The following PELI2 variants were observed in gnomAD, a reference collection of about 807,000 sequenced individuals.
PELI2 encodes E3 ubiquitin-protein ligase pellino homolog 2.
A neutral mutation model predicts 42.3 loss-of-function variants in PELI2; 23 were observed. The observed-to-expected ratio is 0.54, with a 90% CI of 0.39 to 0.77. The LOEUF (loss-of-function observed/expected upper bound fraction) is 0.77, where lower values mean the gene tolerates loss of function less well. Among genes scored for constraint, PELI2 ranks in the 30% least tolerant of loss-of-function variants. The probability of loss-of-function intolerance (pLI) is 0.00; values close to 1 mark genes in which losing one functional copy is unlikely to be tolerated. For missense variants in PELI2, 463 were observed against 553.2 expected, an observed-to-expected ratio of 0.84 and a Z score of 1.64; for synonymous variants, 245 against 212.2, an observed-to-expected ratio of 1.15 and a Z score of -1.34.
At chr14:56,271,035 T>G (rs1032061886) in intron 2 of PELI2, among the ~76,000 whole-genome samples, 2 of 152,230 alleles carry the variant, frequency 1.3e-5, no homozygotes, top group Non-Finnish European at 2.9e-5. Flanking sequence ...TGCTGGATTA[T>G]CAGTGGCTAC....
intron 2 of PELI2, among the ~76,000 whole-genome samples, chr14:56,249,786 G>A (rs145129488): frequency 6.6e-6 from 1 of 152,336 alleles, no homozygotes; most frequent in African/African-American, 2.4e-5. Context: ...GACACCAGGA[G>A]TGTGTCTCTC....
chr14:56,120,815 C>T (rs1361399840), intron 1 of PELI2, among the ~76,000 whole-genome samples: 1 of 152,066 alleles, frequency 6.6e-6, no homozygotes, highest in Non-Finnish European at 1.5e-5. Flanking sequence ...TTGGTTTCTT[C>T]GGCTGGAAGG....
chr14:56,193,388 C>T (rs1158003735), intron 2 of PELI2, among the ~76,000 whole-genome samples: 3 of 152,028 alleles, frequency 2.0e-5, no homozygotes, highest in Admixed American at 2.0e-4. Context: ...TTGCTAAAAC[C>T]CTGATTGTGG....
Position 56,136,507 on chromosome 14 carries a change from T to C in PELI2, c.77+17770T>C, listed in dbSNP as rs1883693116. On this transcript the variant is annotated intron_variant, in intron 1 of 5. Coordinates refer to ENST00000267460, the MANE Select transcript of PELI2 (RefSeq NM_021255.3). ...GGACCAGAAAGCAAAGCTGGAGATGTCATATGTGATATATCATTCTTCAGA... is the reference window on the plus strand; with the variant it reads ...GGACCAGAAAGCAAAGCTGGAGATGCCATATGTGATATATCATTCTTCAGA... Among the ~76,000 whole-genome samples the C allele has an allele frequency of 3.9e-5, 6 of 152,220 alleles. No homozygotes were observed. In the South Asian group the frequency reaches 1.2e-3, roughly 31 times the overall value.
chr14:56,144,922 C>G, intron 1 of PELI2: 1 of 960,148 alleles, frequency 1.0e-6, no homozygotes. Flanking sequence ...ACTGACTTTA[C>G]TCTTTGCCGG....
At chr14:56,235,200 T>G (rs1383194818) in intron 2 of PELI2, among the ~76,000 whole-genome samples, 1 of 152,130 alleles carries the variant, frequency 6.6e-6, no homozygotes, top group Non-Finnish European at 1.5e-5. Context: ...ATAGTTAATA[T>G]TCCTTTACTA....
At chr14:56,294,317 T>C (rs1473593220) in intron 5 of PELI2, among the ~76,000 whole-genome samples, 1 of 152,126 alleles carries the variant, frequency 6.6e-6, no homozygotes, top group African/African-American at 2.4e-5. Flanking sequence ...CAGAGGTTGC[T>C]CTTGCACCTG....
chr14:56,265,420 G>A (rs1888864879), intron 2 of PELI2, among the ~76,000 whole-genome samples: 1 of 152,034 alleles, frequency 6.6e-6, no homozygotes, highest in Admixed American at 6.6e-5. Context: ...ATTTATACAT[G>A]CAGAAATATG....
At chr14:56,154,739 C>T (rs371972922) in intron 1 of PELI2, among the ~76,000 whole-genome samples, 40 of 151,462 alleles carry the variant, frequency 2.6e-4, no homozygotes, top group African/African-American at 9.2e-4. Context: ...ACTTGACTTA[C>T]ATTTCAAATT....
chr14:56,286,371 G>A (rs983732844), intron 3 of PELI2, among the ~76,000 whole-genome samples: 5 of 152,176 alleles, frequency 3.3e-5, no homozygotes, highest in Non-Finnish European at 1.5e-5. Context: ...GTTGAGGGAG[G>A]TGAGAAAAAG....
At chr14:56,228,060 G>A (rs549192417) in intron 2 of PELI2, among the ~76,000 whole-genome samples, 24 of 152,332 alleles carry the variant, frequency 1.6e-4, no homozygotes, top group African/African-American at 5.1e-4. Flanking sequence ...CCTAATATAC[G>A]TAGTACAATG....
intron 2 of PELI2, among the ~76,000 whole-genome samples, chr14:56,233,750 CAAATG>C (rs1687668961): frequency 6.6e-6 from 1 of 152,140 alleles, no homozygotes; most frequent in African/African-American, 2.4e-5. Flanking sequence ...GCAAAATTGA[CAAATG>C]GGATCTAATT....
At position 56,217,724 on chromosome 14, in the gene PELI2, C is replaced by A. The variant is rs144678355; in HGVS notation, c.207+39260C>A. ...AGGCAGTTTATTTCTTATTTTCTAACCTTTGGGATTTTAAAATTTTGACAG... is the reference window on the plus strand; with the variant it reads ...AGGCAGTTTATTTCTTATTTTCTAAACTTTGGGATTTTAAAATTTTGACAG... On this transcript the variant is annotated intron_variant, in intron 2 of 5. Coordinates refer to ENST00000267460, the MANE Select transcript of PELI2 (RefSeq NM_021255.3). Among the ~76,000 whole-genome samples the A allele has an allele frequency of 2.0e-4, 31 of 152,242 alleles. No homozygotes were observed. In the East Asian group the frequency reaches 4.2e-3, roughly 21 times the overall value.
chr14:56,199,457 C>A (rs1202924729), intron 2 of PELI2, among the ~76,000 whole-genome samples: 2 of 152,118 alleles, frequency 1.3e-5, no homozygotes, highest in Non-Finnish European at 2.9e-5. Flanking sequence ...ACGGTAGATT[C>A]CCCAATGCAA....
At chr14:56,154,106 C>T (rs1884464189) in intron 1 of PELI2, among the ~76,000 whole-genome samples, 2 of 152,140 alleles carry the variant, frequency 1.3e-5, no homozygotes, top group Non-Finnish European at 1.5e-5. Context: ...TAATGGCTAG[C>T]AACCACTGTT....
intron 1 of PELI2, among the ~76,000 whole-genome samples, chr14:56,169,778 C>T (rs1014879642): frequency 6.6e-6 from 1 of 152,186 alleles, no homozygotes; most frequent in African/African-American, 2.4e-5. Context: ...TGCTCCGCCT[C>T]CTCCTATATG....
chr14:56,288,658 G>A lies in PELI2; in HGVS notation c.507+24G>A, dbSNP rs754987601. ...GAGTAAGTACTGTCAAGAAGTACAC[G>A]ATTTCTAGAAAAATGCTTGTGATTA... On this transcript the variant is annotated intron_variant, in intron 4 of 5. Transcript: ENST00000267460. The surrounding 1 kb of genome is among the most constrained non-coding windows in gnomAD (Gnocchi z 4.6). The A allele has an allele frequency of 9.0e-6, 14 of 1,554,820 alleles. No individual in the cohort carries two copies. Among genetic ancestry groups the A allele is most frequent in the Non-Finnish European group, 1.2e-5 (14 of 1,134,028 alleles).
intron 2 of PELI2, among the ~76,000 whole-genome samples, chr14:56,259,929 A>G (rs1188092882): frequency 3.3e-5 from 5 of 152,180 alleles, no homozygotes; most frequent in Admixed American, 2.0e-4. Flanking sequence ...GTAATATTGC[A>G]TACTATAAAC....
intron 1 of PELI2, among the ~76,000 whole-genome samples, chr14:56,141,595 G>A (rs1458371068): frequency 1.3e-5 from 2 of 152,180 alleles, no homozygotes; most frequent in African/African-American, 2.4e-5. Context: ...CATGGCTGGG[G>A]AGGCCTCAGG....
Sources: allele counts gnomAD v4.1 joint callset (sites outside exome capture counted in the v4.1 genomes callset), GRCh38; gene constraint gnomAD v4.1.1; non-coding constraint Gnocchi (gnomAD v3.1); transcripts MANE v1.5; gene names NCBI Gene and HGNC (gene_info 2026-07-23, HGNC 2026-07-21).